MYBBP1A: variants seen among roughly 807,000 people sequenced by gnomAD.
MYBBP1A encodes myb-binding protein 1A.
MYBBP1A carries 147 observed loss-of-function variants against 136.3 expected under a neutral mutation model. The ratio of observed to expected loss-of-function variants is 1.08; its 90% CI spans 0.94 to 1.24. The LOEUF (loss-of-function observed/expected upper bound fraction) is 1.24. MYBBP1A is among the 50% of genes most tolerant of loss of function. The pLI is 0.00. For synonymous variants in MYBBP1A, 947 were observed against 735.8 expected (o/e 1.29, Z -4.65); for missense variants, 2,060 against 1,727.4 (o/e 1.19, Z -3.41).
chr17:4,547,064 A>G (rs987522434), intron 13 of MYBBP1A, among the ~76,000 whole-genome samples: 18 of 152,014 alleles, frequency 1.2e-4, no homozygotes, highest in Non-Finnish European at 2.9e-5. Flanking sequence ...GGCACCTGCC[A>G]CCACACCTGG....
Position 4,541,508 on chromosome 17 carries a change from G to A in MYBBP1A, c.3252C>T (p.Ser1084=), listed in dbSNP as rs369626909. 9.3e-6 allele frequency: 15 copies of A among 1,613,444 alleles called. No individual in the cohort carries two copies. The highest frequency in any genetic ancestry group is 1.2e-5 in the Non-Finnish European group (14 of 1,180,032). Residue 1084 remains serine, a synonymous_variant, in exon 24 of 26, where the codon TCC becomes TCT. Transcript: ENST00000254718. ...QTKAQHQQAL[S]SLELLNVLFR... ...AGAGAACGTTGAGCAGCTCCAGGGA[G>A]GACAGTGCCTGCTGATGCTGCGCCT...
At chr17:4,553,956 C>A in intron 4 of MYBBP1A, 39 bp from the exon 5 acceptor site, 2 of 1,613,568 alleles carry the variant, frequency 1.2e-6, no homozygotes, top group Non-Finnish European at 1.7e-6. Flanking sequence ...GAGCAGGGCA[C>A]ACGACTGTCC....
rs778100988 is a variant in MYBBP1A, at chr17:4,545,685, C to T, written c.1998G>A (p.Met666Ile). Reference protein sequence around the residue: ...LALLAQPSHLMRQVARSVFGH... With the variant: ...LALLAQPSHLIRQVARSVFGH... ...CAAACACGCTCCGGGCCACCTGGCG[C>T]ATGAGGTGGCTGGGCTGGGCCAACA... The change falls in exon 15 of 26, where the codon ATG (methionine) becomes ATA (isoleucine). Residue 666 changes from methionine to isoleucine, a missense_variant. Physicochemically the swap from Met to Ile is conservative, Grantham distance 10. Coordinates refer to ENST00000254718, the MANE Select transcript of MYBBP1A (RefSeq NM_014520.4). The T allele has an allele frequency of 3.1e-6, 5 of 1,611,570 alleles. No homozygotes were observed. In the South Asian group the frequency reaches 4.4e-5, roughly 14 times the overall value.
rs1567614798 is a variant in MYBBP1A, at chr17:4,553,824, C to T, written c.547G>A (p.Asp183Asn). 5.6e-6 allele frequency: 9 copies of T among 1,613,984 alleles called. No homozygotes were observed. Among genetic ancestry groups the T allele is most frequent in the Non-Finnish European group, 6.8e-6 (8 of 1,179,992 alleles). The change falls in exon 5 of 26, where the codon GAC becomes AAC. Residue 183 changes from aspartate (D) to asparagine (N), a missense_variant. By Grantham distance (23) the Asp-to-Asn change is conservative. Coordinates refer to ENST00000254718, the MANE Select transcript of MYBBP1A (RefSeq NM_014520.4). ...GGAGCTCATACCTCGGAGAGGATGT[C>T]CACCAGGGCCTTCCGGGGCTGCTCC... ...LQEQPRKALVDILSEVSKATL... is the reference protein window; with the variant it reads ...LQEQPRKALVNILSEVSKATL...
intron 13 of MYBBP1A, among the ~76,000 whole-genome samples, chr17:4,546,501 C>T (rs951201188): frequency 1.3e-5 from 2 of 152,140 alleles, no homozygotes; most frequent in African/African-American, 2.4e-5. Flanking sequence ...CCAACTCCCC[C>T]TTGGACACTC....
chr17:4,539,526 C>T lies in MYBBP1A; in HGVS notation c.3876G>A (p.Leu1292=). Residue 1292 remains leucine, a synonymous_variant, in exon 26 of 26, where the codon CTG becomes CTA. Coordinates refer to ENST00000254718, the MANE Select transcript of MYBBP1A (RefSeq NM_014520.4). Reference sequence around the variant, plus strand: ...TTGCCTTTTTCCGTGCCAGCGCGGACAGTGGTGATTTGCCCAAGACCCCCT... The same window carrying T: ...TTGCCTTTTTCCGTGCCAGCGCGGATAGTGGTGATTTGCCCAAGACCCCCT... ...PKKGVLGKSP[L]SALARKKARL... 1.2e-6 allele frequency: 2 copies of T among 1,614,112 alleles called. No homozygotes were observed. The highest frequency in any genetic ancestry group is 8.5e-7 in the Non-Finnish European group (1 of 1,180,032).
At chr17:4,547,711 G>A (rs961067100) in intron 13 of MYBBP1A, 19 of 438,938 alleles carry the variant, frequency 4.3e-5, no homozygotes, top group Non-Finnish European at 3.2e-5. Flanking sequence ...ACATGGAGAG[G>A]GGGTGTCTGC....
chr17:4,549,253 T>C, intron 10 of MYBBP1A, 79 bp downstream of exon 10: 3 of 1,255,924 alleles, frequency 2.4e-6, no homozygotes, highest in Non-Finnish European at 3.4e-6. Context: ...CTCCAGGGGA[T>C]GCAAACTAGG....
chr17:4,545,576 A>G, intron 15 of MYBBP1A, 34 bp downstream of exon 15: 1 of 1,549,986 alleles, frequency 6.5e-7, no homozygotes, highest in South Asian at 1.2e-5. Context: ...AGTGAGCCCC[A>G]GCCCACATTC....
intron 23 of MYBBP1A, 103 bp from the exon 24 acceptor site, chr17:4,541,667 C>G: frequency 7.0e-7 from 1 of 1,435,526 alleles, no homozygotes. Context: ...TCTCCTGGGA[C>G]AACCCCAGTT....
rs199926550 is a variant in MYBBP1A, at chr17:4,540,424, G to A, written c.3358C>T (p.Gln1120Ter). The A allele has an allele frequency of 1.2e-5, 19 of 1,610,966 alleles. No homozygotes were observed. Among genetic ancestry groups the A allele is most frequent in the Non-Finnish European group, 1.5e-5 (18 of 1,179,786 alleles). Residue 1120 changes from glutamine (Q) to a stop codon, truncating the protein, a stop_gained, in exon 25 of 26, where the codon CAG (glutamine) becomes TAG (stop). Coordinates refer to ENST00000254718, the MANE Select transcript of MYBBP1A (RefSeq NM_014520.4). LOFTEE classifies it high-confidence loss of function. ...GVLQGQQQSL[Q>*]QGAHSTGSSR... ...GAGCCGGTGGAGTGTGCCCCCTGCT[G>A]TAGGCTCTGCTGTTGCCCCTGCAGC... is the stretch of plus-strand genomic sequence containing the variant.
chr17:4,539,315 G>T lies in MYBBP1A; in HGVS notation c.*100C>A. 6.7e-7 allele frequency: 1 copy of T among 1,494,178 alleles called. No individual in the cohort carries two copies. Among genetic ancestry groups the T allele is most frequent in the Non-Finnish European group, 8.8e-7 (1 of 1,132,332 alleles). 92.6% of individuals were successfully genotyped at this position (1,494,178 alleles called of 1,614,324 possible). A position where few individuals can be genotyped will look rare whatever the true frequency, so the allele number is the denominator to read the frequency against. The stretch of plus-strand genomic sequence containing the variant: ...CACCCTCCCCAGTGGCAGCGCCTTA[G>T]AAACAGCTTGCGTATTAAAATCATG... On this transcript the variant is annotated 3_prime_UTR_variant, in exon 26 of 26. Transcript: ENST00000254718.
At chr17:4,551,671 T>C (rs939962695) in intron 8 of MYBBP1A, among the ~76,000 whole-genome samples, 1 of 152,174 alleles carries the variant, frequency 6.6e-6, no homozygotes, top group African/African-American at 2.4e-5. Context: ...ATCTCACCAC[T>C]GCGCTCCAGC....
rs1907248529 is a variant in MYBBP1A at position 4,548,871 on chromosome 17, C to T, written c.1431-222G>A. Among the ~76,000 whole-genome samples the T allele has an allele frequency of 2.0e-5, 3 of 152,228 alleles. No homozygotes were observed. Among genetic ancestry groups the T allele is most frequent in the African/African-American group, 2.4e-5 (1 of 41,454 alleles). On this transcript the variant is annotated intron_variant, in intron 10 of 25. Transcript: ENST00000254718. This position sits in a 1 kb window ranked among gnomAD's most constrained non-coding sequence, Gnocchi z 4.2. ...TCTGCTCTGGATCCCCAGCTGAACG[C>T]GGGTTAACCCGAGCTAGAGAGAGTC...
In MYBBP1A at chr17:4,545,597, G is replaced by C; in HGVS notation, c.2073+13C>G. 1 of 1,566,886 alleles carries C rather than the reference G, an allele frequency of 6.4e-7. No homozygotes were observed. Among genetic ancestry groups the C allele is most frequent in the Non-Finnish European group, 8.7e-7 (1 of 1,152,666 alleles). On this transcript the variant is annotated intron_variant, in intron 15 of 25. Coordinates refer to ENST00000254718, the MANE Select transcript of MYBBP1A (RefSeq NM_014520.4). ...CCCCAGCCCACATTCCACTCCCAAA[G>C]GTCCCAACTCACATCCAGAATTAGC...
At chr17:4,551,554 C>T (rs544886239) in intron 8 of MYBBP1A, among the ~76,000 whole-genome samples, 6 of 152,296 alleles carry the variant, frequency 3.9e-5, no homozygotes, top group Admixed American at 2.6e-4. Context: ...ACCAAAAATA[C>T]AAAAATTAGC....
Position 4,547,978 on chromosome 17 carries a change from C to A in MYBBP1A, c.1804G>T (p.Val602Leu), listed in dbSNP as rs1432720614. The A allele has an allele frequency of 6.6e-7, 1 of 1,520,172 alleles. No individual in the cohort carries two copies. The highest frequency in any genetic ancestry group is 2.0e-5 in the Admixed American group (1 of 49,002). 94.2% of individuals were successfully genotyped at this position (1,520,172 alleles called of 1,614,324 possible). ...AGTACCTTGAGGAGGTGGATGCCCA[C>A]GAGGAGCAGAAGGTGCTGGAAGGCA... ...AAAFQHLLLL[V>L]GIHLLKSPAE... The change falls in exon 13 of 26, where the codon GTG becomes TTG. Residue 602 changes from valine to leucine, a missense_variant. Physicochemically the swap from Val to Leu is conservative, Grantham distance 32. Transcript: ENST00000254718.
Position 4,545,157 on chromosome 17 carries a change from C to T in MYBBP1A, c.2179G>A (p.Glu727Lys), listed in dbSNP as rs1391561172. 4 of 1,613,374 alleles carry T rather than the reference C, an allele frequency of 2.5e-6. No homozygotes were observed. Among genetic ancestry groups the T allele is most frequent in the African/African-American group, 1.3e-5 (1 of 74,834 alleles). Residue 727 changes from glutamate to lysine, a missense_variant, in exon 17 of 26, where the codon GAG becomes AAG. Physicochemically the swap from Glu to Lys is moderately conservative, Grantham distance 56 (BLOSUM62 1). Transcript: ENST00000254718. ...KGAEDKSEEGEDNRSSESEEE... is the reference protein window; with the variant it reads ...KGAEDKSEEGKDNRSSESEEE... ...TCACTCTCTGAGCTTCTGTTGTCCT[C>T]ACCTTCCTCGCTCTTGTCCTGTGTG...
In MYBBP1A at chr17:4,539,061, A is replaced by C; in HGVS notation, c.*354T>G. 3.2e-6 allele frequency: 4 copies of C among 1,266,376 alleles called. No homozygotes were observed. Among genetic ancestry groups the C allele is most frequent in the Non-Finnish European group, 4.6e-6 (4 of 869,396 alleles). The allele number at this position is 1,266,376 out of a possible 1,614,324, so 78.4% of individuals were successfully genotyped here. ...CCCCCTGGTGGCTCCCTCACAGCAA[A>C]AAAGCCTGGGGGCAAAGAGGTGGCA... is the stretch of plus-strand genomic sequence containing the variant. On this transcript the variant is annotated 3_prime_UTR_variant, in exon 26 of 26. Coordinates refer to ENST00000254718, the MANE Select transcript of MYBBP1A (RefSeq NM_014520.4).
Sources: gnomAD v4.1 joint callset for allele counts (sites outside exome capture counted in the v4.1 genomes callset) on GRCh38, gnomAD v4.1.1 for gene constraint, Gnocchi (gnomAD v3.1) non-coding constraint, MANE v1.5 for transcripts, NCBI Gene and HGNC (gene_info 2026-07-23, HGNC 2026-07-21) for gene names.